Variants in TRAK2 observed in about 807,000 individuals in gnomAD.
The protein encoded by TRAK2 is trafficking kinesin protein 2, also known as trafficking kinesin-binding protein 2.
TRAK2 carries 81 observed loss-of-function variants against 104.6 expected under a neutral mutation model. The ratio of observed to expected loss-of-function variants is 0.77; its 90% confidence interval spans 0.65 to 0.93. TRAK2 has a LOEUF of 0.93. Among genes scored for constraint, TRAK2 ranks in the 40% least tolerant of loss-of-function variants. TRAK2 has a pLI of 0.00. For missense variants in TRAK2, 1,002 were observed against 1,089.0 expected (o/e 0.92, Z 1.12); for synonymous variants, 406 against 394.4 (o/e 1.03, Z -0.35).
chr2:201,434,039 C>G (rs955034820), intron 1 of TRAK2, among the ~76,000 whole-genome samples: 3 of 152,174 alleles, frequency 2.0e-5, no homozygotes, highest in South Asian at 4.1e-4. Flanking sequence ...CTCACTGCAA[C>G]CTCCGCCTCC....
rs886260941 is a variant in TRAK2 at position 201,447,754 on chromosome 2, T to C, written c.-200+3596A>G. On this transcript the variant is annotated intron_variant, in intron 1 of 15. Transcript: ENST00000332624. This position sits in a 1 kb window ranked among gnomAD's most constrained non-coding sequence, Gnocchi z 4.1. ...GGTTACGGCTGTTAGGGCTTCAATA[T>C]AATTTTGGGAGGACACAATTCAGCC... 2.0e-5 allele frequency among the ~76,000 whole-genome samples: 3 copies of C among 152,188 alleles called. No homozygotes were observed. The highest frequency in any genetic ancestry group is 2.9e-5 in the Non-Finnish European group (2 of 68,034).
intron 2 of TRAK2, chr2:201,412,835 G>T: frequency 1.2e-6 from 1 of 868,500 alleles, no homozygotes. Flanking sequence ...TTAGAAACCT[G>T]AAGCAAACCA....
Position 201,389,453 on chromosome 2 carries a change from C to T in TRAK2, c.1244G>A (p.Arg415Gln), listed in dbSNP as rs778474417. The T allele has an allele frequency of 1.4e-5, 23 of 1,613,948 alleles. No individual in the cohort carries two copies. In the East Asian group the frequency reaches 2.9e-4, roughly 20 times the overall value. ...FDTVRIANDT[R>Q]GRSISFPALL... is the part of the protein sequence containing the mutation. ...AGCTGGGAATGAGATAGAGCGGCCCCGTGTGTCATTGGCAATCCTGACGGT... is the reference window on the plus strand; with the variant it reads ...AGCTGGGAATGAGATAGAGCGGCCCTGTGTGTCATTGGCAATCCTGACGGT... The change falls in exon 12 of 16, where the codon CGG becomes CAG. Residue 415 changes from arginine to glutamine, a missense_variant. Physicochemically the swap from Arg to Gln is conservative, Grantham distance 43 (BLOSUM62 1). Transcript: ENST00000332624.
At position 201,389,375 on chromosome 2, in the gene TRAK2, G is replaced by A. The variant is rs143408036; in HGVS notation, c.1322C>T (p.Pro441Leu). The part of the protein sequence containing the change: ...NRSSVIMTAK[P>L]FESGLQQTED... ...TGTTTGCTGAAGACCAGACTCAAAA[G>A]GTTTTGCTGTCATGATGACACTTGA... The change falls in exon 12 of 16, where the codon CCT becomes CTT. Residue 441 changes from proline to leucine, a missense_variant. Pro to Leu is a moderately conservative substitution (Grantham distance 98, BLOSUM62 -3). Coordinates refer to ENST00000332624, the MANE Select transcript of TRAK2 (RefSeq NM_015049.3). The A allele has an allele frequency of 2.0e-5, 32 of 1,614,032 alleles. No homozygotes were observed. Among genetic ancestry groups the A allele is most frequent in the South Asian group, 3.3e-5 (3 of 91,092 alleles).
At chr2:201,392,243 TTACTC>T (rs139575450) in intron 10 of TRAK2, among the ~76,000 whole-genome samples, 43,957 of 151,832 alleles carry the variant, frequency 0.29, 6,647 homozygotes, top group Admixed American at 0.38. Context: ...TCTTGGAACT[TTACTC>T]TAAGTTTAAA....
intron 1 of TRAK2, among the ~76,000 whole-genome samples, chr2:201,425,725 T>TTA (rs1239298864): frequency 2.1e-5 from 2 of 94,026 alleles, no homozygotes; most frequent in South Asian, 3.7e-4. Flanking sequence ...TTTTTTTTTT[T>TTA]AAATAATGTT....
intron 2 of TRAK2, chr2:201,412,925 G>A: frequency 1.3e-6 from 1 of 782,778 alleles, no homozygotes; most frequent in South Asian, 1.4e-5. Flanking sequence ...CAGTTACCAA[G>A]AACACTGGCT....
Position 201,378,412 on chromosome 2 carries a change from C to T in TRAK2, c.*2131G>A, listed in dbSNP as rs750317513. 3 of 152,164 alleles carry T rather than the reference C, an allele frequency of 2.0e-5. No homozygotes were observed. Among genetic ancestry groups the T allele is most frequent in the Non-Finnish European group, 2.9e-5 (2 of 68,032 alleles). 9.4% of individuals were successfully genotyped at this position (152,164 alleles called of 1,614,324 possible). ...GGACAATTTAACGTTGTACTACTCT[C>T]TGGCCCTACAGTTTCCTACTTCCTG... is the stretch of plus-strand genomic sequence containing the variant. On this transcript the variant is annotated 3_prime_UTR_variant, in exon 16 of 16. Transcript: ENST00000332624.
intron 1 of TRAK2, among the ~76,000 whole-genome samples, chr2:201,440,963 T>C (rs1044126104): frequency 2.0e-5 from 3 of 152,194 alleles, no homozygotes; most frequent in African/African-American, 7.2e-5. Flanking sequence ...TTTTGTTATG[T>C]CCAAAACCTA....
chr2:201,394,922 G>C, intron 8 of TRAK2, 50 bp from the exon 9 acceptor site: 3 of 1,442,052 alleles, frequency 2.1e-6, no homozygotes, highest in Non-Finnish European at 1.9e-6. Flanking sequence ...GTAAAATATA[G>C]CTATTCTCTT....
In TRAK2 at chr2:201,407,604, A is replaced by G. The variant is rs778887608; in HGVS notation, c.92-7T>C. Reference sequence around the variant, plus strand: ...TCCTCATTGGAGCAGACATCTAAAGAGGAGAGTCTATGTAAATGAATCCAA... The same window carrying G: ...TCCTCATTGGAGCAGACATCTAAAGGGGAGAGTCTATGTAAATGAATCCAA... On this transcript the variant is annotated splice_region_variant and splice_polypyrimidine_tract_variant and intron_variant, in intron 2 of 15. Coordinates refer to ENST00000332624, the MANE Select transcript of TRAK2 (RefSeq NM_015049.3). The G allele has an allele frequency of 6.2e-7, 1 of 1,607,616 alleles. No homozygotes were observed. Among genetic ancestry groups the G allele is most frequent in the Non-Finnish European group, 8.5e-7 (1 of 1,177,548 alleles).
chr2:201,388,947 G>GA (rs910742478), intron 12 of TRAK2, among the ~76,000 whole-genome samples: 27 of 150,718 alleles, frequency 1.8e-4, no homozygotes, highest in Non-Finnish European at 3.4e-4. Flanking sequence ...TAAAAGGAAT[G>GA]AAAAAAAAAT....
At chr2:201,414,174 C>A (rs1192112910) in intron 2 of TRAK2, among the ~76,000 whole-genome samples, 1 of 152,128 alleles carries the variant, frequency 6.6e-6, no homozygotes, top group Non-Finnish European at 1.5e-5. Context: ...CACCCCCACC[C>A]CCATCTCTGA....
At chr2:201,427,440 C>G (rs945861103) in intron 1 of TRAK2, among the ~76,000 whole-genome samples, 1 of 151,490 alleles carries the variant, frequency 6.6e-6, no homozygotes, top group African/African-American at 2.4e-5. Flanking sequence ...TCTGTCCTTG[C>G]GATAGTTTGC....
At chr2:201,417,982 T>A (rs1951708044) in intron 2 of TRAK2, among the ~76,000 whole-genome samples, 1 of 152,126 alleles carries the variant, frequency 6.6e-6, no homozygotes. Flanking sequence ...AGACTAAATT[T>A]AACAAAATAT....
At chr2:201,398,577 T>C (rs1393025625) in intron 5 of TRAK2, among the ~76,000 whole-genome samples, 3 of 152,114 alleles carry the variant, frequency 2.0e-5, no homozygotes, top group Non-Finnish European at 4.4e-5. Flanking sequence ...TACAGCTTTT[T>C]TCCCTCCTAG....
chr2:201,386,363 G>A lies in TRAK2; in HGVS notation c.1818C>T (p.His606=). The part of the protein sequence containing the change: ...FTQLPGDAIY[H]ISDLEEDEEE... ...CTTCATCCTCTTCTAAATCTGAGAT[G>A]TGATAAATAGCATCCCCGGGCAACT... Residue 606 remains histidine (H), a synonymous_variant, in exon 14 of 16, where the codon CAC becomes CAT. Transcript: ENST00000332624. 2 of 1,614,142 alleles carry A rather than the reference G, an allele frequency of 1.2e-6. No individual in the cohort carries two copies. The highest frequency in any genetic ancestry group is 1.7e-6 in the Non-Finnish European group (2 of 1,180,010).
Position 201,397,512 on chromosome 2 carries a change from A to G in TRAK2, c.759T>C (p.Val253=), listed in dbSNP as rs1951512520. The G allele has an allele frequency of 3.1e-6, 5 of 1,612,158 alleles. No homozygotes were observed. The highest frequency in any genetic ancestry group is 3.3e-5 in the Admixed American group (2 of 59,910). ...TATGTTAATACTCACGAAGTTCTTT[A>G]ACACAGTCGCTGACAAGCTGTTGTT... is the stretch of plus-strand genomic sequence containing the variant. The part of the protein sequence containing the change: ...EKEQQLVSDC[V]KELRETNAQM... Residue 253 remains valine (V), a synonymous_variant, in exon 7 of 16, where the codon GTT becomes GTC. Coordinates refer to ENST00000332624, the MANE Select transcript of TRAK2 (RefSeq NM_015049.3).
chr2:201,420,383 G>T, intron 2 of TRAK2, 34 bp downstream of exon 2: 1 of 1,568,498 alleles, frequency 6.4e-7, no homozygotes, highest in South Asian at 1.1e-5. Context: ...TCCTATAAGC[G>T]ATAGCACTTC....
Sources: allele counts gnomAD v4.1 joint callset (sites outside exome capture counted in the v4.1 genomes callset), GRCh38; gene constraint gnomAD v4.1.1; non-coding constraint Gnocchi (gnomAD v3.1); transcripts MANE v1.5; gene names NCBI Gene and HGNC (gene_info 2026-07-23, HGNC 2026-07-21).